RMND1: variants seen among roughly 807,000 people sequenced by gnomAD.
The protein encoded by RMND1 is required for meiotic nuclear division 1 homolog.
RMND1 carries 41 observed loss-of-function variants against 54.0 expected under a neutral mutation model. The ratio of observed to expected loss-of-function variants is 0.76; its 90% CI spans 0.59 to 0.98. The LOEUF is 0.98. RMND1 is among the 50% of genes least tolerant of loss of function. RMND1 has a pLI of 0.00. For missense variants in RMND1, 457 were observed against 532.0 expected, an observed-to-expected ratio of 0.86 and a Z score of 1.39; for synonymous variants, 183 against 181.7, an observed-to-expected ratio of 1.01 and a Z score of -0.06.
At chr6:151,414,327 G>T (rs1017923459) in intron 10 of RMND1, among the ~76,000 whole-genome samples, 2 of 152,144 alleles carry the variant, frequency 1.3e-5, no homozygotes, top group Admixed American at 1.3e-4. Context: ...GGTGAATGTG[G>T]GGATTGGTAG....
intron 2 of RMND1, chr6:151,445,061 C>G: frequency 2.5e-6 from 1 of 397,074 alleles, no homozygotes; most frequent in Non-Finnish European, 4.4e-6. Flanking sequence ...AGACCAATAA[C>G]CAAATCTTTT....
chr6:151,424,772 G>C (rs1218270417), intron 6 of RMND1, among the ~76,000 whole-genome samples: 3 of 151,956 alleles, frequency 2.0e-5, no homozygotes, highest in African/African-American at 7.3e-5. Flanking sequence ...GGGAAGAGCG[G>C]AATGTGTGAA....
At chr6:151,423,908 T>C (rs1002872627) in intron 6 of RMND1, among the ~76,000 whole-genome samples, 18 of 151,134 alleles carry the variant, frequency 1.2e-4, no homozygotes, top group Non-Finnish European at 1.9e-4. Context: ...AGTGCAGTGG[T>C]GCGATCTCAG....
Position 151,427,501 on chromosome 6 carries a change from GTTC to G in RMND1, c.808_810del (p.Glu270del). 1 of 1,607,222 alleles carries G rather than the reference GTTC, an allele frequency of 6.2e-7. No homozygotes were observed. Among genetic ancestry groups the G allele is most frequent in the Non-Finnish European group, 8.5e-7 (1 of 1,174,364 alleles). ...GCTTACTCTATTTTTATGTAGTTAA[GTTC>G]TTCATTTTCCCAGTGTACCAGTGCG... On this transcript the variant is annotated inframe_deletion, in exon 6 of 12. Coordinates refer to ENST00000444024, the MANE Select transcript of RMND1 (RefSeq NM_017909.4).
At chr6:151,443,680 C>T (rs934024452) in intron 2 of RMND1, among the ~76,000 whole-genome samples, 3 of 152,192 alleles carry the variant, frequency 2.0e-5, no homozygotes, top group African/African-American at 7.2e-5. Context: ...TGCCAAACTC[C>T]AACTGAAGTC....
intron 3 of RMND1, 52 bp from the exon 4 acceptor site, chr6:151,433,282 G>C: frequency 8.3e-7 from 1 of 1,203,882 alleles, no homozygotes; most frequent in Non-Finnish European, 1.2e-6. Flanking sequence ...AACACAAGTT[G>C]TAAGAGTCAC....
At chr6:151,422,499 T>A (rs1395344645) in intron 8 of RMND1, 42 bp downstream of exon 8, 1 of 989,656 alleles carries the variant, frequency 1.0e-6, no homozygotes. Context: ...TTTTTACATA[T>A]AAAAATCAAT....
chr6:151,436,155 T>A, intron 3 of RMND1: 4 of 240,488 alleles, frequency 1.7e-5, no homozygotes, highest in Non-Finnish European at 3.3e-5. Context: ...ACACACAAAC[T>A]AAAATAACTT....
chr6:151,435,770 G>C (rs181936717), intron 3 of RMND1, among the ~76,000 whole-genome samples: 2 of 150,760 alleles, frequency 1.3e-5, no homozygotes, highest in Admixed American at 1.3e-4. Context: ...TTTTTTTAAA[G>C]GCTCTCCCCA....
At chr6:151,447,845 G>A (rs1419889654) in intron 1 of RMND1, among the ~76,000 whole-genome samples, 2 of 128,756 alleles carry the variant, frequency 1.6e-5, no homozygotes, top group African/African-American at 3.0e-5. Flanking sequence ...TGGGAGTCTC[G>A]CTCTGTCACT....
chr6:151,445,310 C>T lies in RMND1; in HGVS notation c.502G>A (p.Glu168Lys), dbSNP rs1478422309. The change falls in exon 2 of 12, where the codon GAG becomes AAG. Residue 168 changes from glutamate (E) to lysine (K), a missense_variant and splice_region_variant. By Grantham distance (56) the Glu-to-Lys change is moderately conservative. Coordinates refer to ENST00000444024, the MANE Select transcript of RMND1 (RefSeq NM_017909.4). ...AGCCACGGCCACCCCTACTTTACCT[C>T]GTTCACAGACAGAACTGGAAGGTTG... ...RTNLPVLSVN[E>K]DLMHCTAFAT... 16 of 1,603,908 alleles carry T rather than the reference C, an allele frequency of 1.0e-5. No individual in the cohort carries two copies. The highest frequency in any genetic ancestry group is 1.4e-5 in the Non-Finnish European group (16 of 1,175,722).
At chr6:151,445,961 G>C (rs1762989782) in intron 1 of RMND1, 136 bp from the exon 2 acceptor site, 3 of 801,942 alleles carry the variant, frequency 3.7e-6, no homozygotes, top group East Asian at 2.7e-5. Context: ...TCTAGTAAAA[G>C]AACAAGGTTA....
At chr6:151,405,324 A>G in intron 11 of RMND1, 57 bp from the exon 12 acceptor site, 1 of 1,449,844 alleles carries the variant, frequency 6.9e-7, no homozygotes, top group Middle Eastern at 1.8e-4. Context: ...TACAAACTAA[A>G]ATGACTTCCA....
In RMND1 at chr6:151,406,510, C is replaced by T. The variant is rs374916938; in HGVS notation, c.1201-674G>A. Among the ~76,000 whole-genome samples the T allele has an allele frequency of 3.2e-4, 49 of 152,100 alleles. 1 individual carries two copies. The South Asian group carries it at 8.5e-3, about 26-fold the overall frequency. On this transcript the variant is annotated intron_variant, in intron 10 of 11. Transcript: ENST00000444024. ...CCAAATAGCTGGGACTACAGGTGCC[C>T]GCCACCACGCCCGGCTAATTTTTGT...
At chr6:151,447,847 T>G (rs533129122) in intron 1 of RMND1, among the ~76,000 whole-genome samples, 2 of 145,476 alleles carry the variant, frequency 1.4e-5, no homozygotes, top group South Asian at 2.2e-4. Context: ...GGAGTCTCGC[T>G]CTGTCACTCA....
intron 5 of RMND1, 35 bp downstream of exon 5, chr6:151,430,103 A>C (rs1243876886): frequency 1.4e-6 from 2 of 1,440,042 alleles, no homozygotes; most frequent in Admixed American, 3.5e-5. Flanking sequence ...CACAAAACTA[A>C]ATTTTTATAT....
At chr6:151,427,709 G>A in intron 5 of RMND1, 127 bp from the exon 6 acceptor site, 1 of 594,606 alleles carries the variant, frequency 1.7e-6, no homozygotes, top group East Asian at 2.9e-5. Context: ...TGTTTTTAAG[G>A]AAAAGGCAAA....
chr6:151,445,273 A>AC (rs1405610504), intron 2 of RMND1, 35 bp downstream of exon 2: 4 of 1,568,888 alleles, frequency 2.5e-6, no homozygotes, highest in Non-Finnish European at 3.4e-6. Context: ...AGCAATGATC[A>AC]CTAAGCACGA....
intron 10 of RMND1, 104 bp from the exon 11 acceptor site, chr6:151,405,940 C>CT: frequency 1.8e-6 from 1 of 564,354 alleles, no homozygotes; most frequent in Non-Finnish European, 3.2e-6. Flanking sequence ...CCTCAGTCCT[C>CT]TCCCCAAAGG....
Sources: allele counts gnomAD v4.1 joint callset (sites outside exome capture counted in the v4.1 genomes callset), GRCh38; gene constraint gnomAD v4.1.1; transcripts MANE v1.5; gene names NCBI Gene and HGNC (gene_info 2026-07-23, HGNC 2026-07-21).